PHF24: variants seen among roughly 807,000 people sequenced by gnomAD.
The protein encoded by PHF24 is PHD finger protein 24, also known as Galpha inhibitory interacting protein.
A neutral mutation model predicts 42.6 loss-of-function variants in PHF24; 25 were observed. The observed-to-expected ratio is 0.59, with a 90% CI of 0.43 to 0.82. The LOEUF (loss-of-function observed/expected upper bound fraction) is 0.82. Among genes scored for constraint, PHF24 ranks in the 40% least tolerant of loss-of-function variants. PHF24 has a pLI of 0.00. For missense variants in PHF24, 470 were observed against 538.1 expected (o/e 0.87, Z 1.25); for synonymous variants, 185 against 204.8 (o/e 0.90, Z 0.83).
chr9:34,953,339 A>G (rs10972272), upstream of PHF24, among the ~76,000 whole-genome samples: 29,496 of 152,156 alleles, frequency 0.19, 3,799 homozygotes, highest in Admixed American at 0.27. The surrounding 1 kb of genome is among the most constrained non-coding windows in gnomAD (Gnocchi z 4.1). Context: ...TTGTAGAGAC[A>G]GGGGTCTTGC....
At chr9:34,935,346 C>T in the PHF24 span, among the ~76,000 whole-genome samples, 2 of 152,144 alleles carry the variant, frequency 1.3e-5, no homozygotes, top group African/African-American at 2.4e-5. Context: ...AGCACCCCAG[C>T]ACTCTGGGAG....
the PHF24 span, chr9:34,690,028 G>A: frequency 6.2e-7 from 1 of 1,613,636 alleles, no homozygotes; most frequent in East Asian, 2.2e-5. Context: ...GTGAACCTGG[G>A]GTGAGAGGCC....
the PHF24 span, among the ~76,000 whole-genome samples, chr9:34,824,804 G>C: frequency 6.6e-6 from 1 of 152,176 alleles, no homozygotes; most frequent in Non-Finnish European, 1.5e-5. Flanking sequence ...CTATAGCTGT[G>C]GTCCAGCTAG....
chr9:34,942,098 C>A, the PHF24 span, among the ~76,000 whole-genome samples: 21 of 152,188 alleles, frequency 1.4e-4, no homozygotes, highest in Non-Finnish European at 2.6e-4. Context: ...CTTAACATAA[C>A]CTTCATACTG....
chr9:34,730,556 T>G, the PHF24 span, among the ~76,000 whole-genome samples: 7 of 152,362 alleles, frequency 4.6e-5, no homozygotes, highest in African/African-American at 1.7e-4. Flanking sequence ...CAAAGACATT[T>G]GAGCCGCATT....
the PHF24 span, among the ~76,000 whole-genome samples, chr9:34,936,867 G>GC: frequency 6.7e-6 from 1 of 149,034 alleles, no homozygotes; most frequent in African/African-American, 2.5e-5. Flanking sequence ...GAGCCCCTCC[G>GC]CCCGGCAGCC....
the PHF24 span, chr9:34,725,041 A>G: frequency 2.6e-6 from 4 of 1,552,050 alleles, no homozygotes; most frequent in Non-Finnish European, 3.5e-6. Context: ...TAACTTTGTG[A>G]TGCAGGTCCG....
the PHF24 span, among the ~76,000 whole-genome samples, chr9:34,947,543 CTCTT>C: frequency 6.6e-6 from 1 of 152,056 alleles, no homozygotes; most frequent in Admixed American, 6.6e-5. Context: ...TTAGAGTGCA[CTCTT>C]TCTACTTATT....
intron 1 of PHF24, among the ~76,000 whole-genome samples, chr9:34,967,304 T>G (rs1826811435): frequency 6.6e-6 from 1 of 152,222 alleles, no homozygotes; most frequent in Admixed American, 6.5e-5. Context: ...TGAAATCATT[T>G]CAGAGAGTCA....
chr9:34,864,861 T>A, the PHF24 span, among the ~76,000 whole-genome samples: 1 of 151,946 alleles, frequency 6.6e-6, no homozygotes, highest in East Asian at 1.9e-4. Flanking sequence ...AATATATAAA[T>A]AGAAACAACA....
At chr9:34,825,936 C>T in the PHF24 span, among the ~76,000 whole-genome samples, 1 of 152,170 alleles carries the variant, frequency 6.6e-6, no homozygotes, top group Non-Finnish European at 1.5e-5. Context: ...AGGGACCCGC[C>T]CCTGTGGCCT....
chr9:34,855,122 C>G, the PHF24 span, among the ~76,000 whole-genome samples: 1 of 152,096 alleles, frequency 6.6e-6, no homozygotes, highest in Admixed American at 6.6e-5. Flanking sequence ...TTTCCATTTG[C>G]TTGGTAAAAT....
At chr9:34,976,023 G>A in intron 3 of PHF24, 129 bp from the exon 4 acceptor site, 2 of 686,092 alleles carry the variant, frequency 2.9e-6, no homozygotes, top group African/African-American at 1.8e-5. Context: ...CTCATTGATT[G>A]TGAATAGGAG....
At chr9:34,868,871 C>A in the PHF24 span, among the ~76,000 whole-genome samples, 1 of 152,090 alleles carries the variant, frequency 6.6e-6, no homozygotes, top group African/African-American at 2.4e-5. Context: ...TCATTAAGCC[C>A]AGCATCCATT....
chr9:34,777,381 A>G, the PHF24 span, among the ~76,000 whole-genome samples: 1 of 152,154 alleles, frequency 6.6e-6, no homozygotes, highest in East Asian at 1.9e-4. Flanking sequence ...CTCTAGGCCC[A>G]CAGGTAGCCT....
chr9:34,682,535 G>A, the PHF24 span, among the ~76,000 whole-genome samples: 2 of 152,248 alleles, frequency 1.3e-5, no homozygotes, highest in East Asian at 3.9e-4. Context: ...GAAGAAGGAT[G>A]TATGTTGATC....
the PHF24 span, among the ~76,000 whole-genome samples, chr9:34,781,811 C>T: frequency 1.3e-5 from 2 of 152,058 alleles, no homozygotes; most frequent in African/African-American, 2.4e-5. Flanking sequence ...AGCAACAATG[C>T]ATGTGCCAGT....
chr9:34,852,237 T>C, the PHF24 span, among the ~76,000 whole-genome samples: 1 of 152,228 alleles, frequency 6.6e-6, no homozygotes, highest in South Asian at 2.1e-4. Context: ...ACAAAATATG[T>C]GTTAATTTTG....
chr9:34,975,032 C>T (rs1430498018), intron 3 of PHF24, among the ~76,000 whole-genome samples: 1 of 152,190 alleles, frequency 6.6e-6, no homozygotes, highest in Non-Finnish European at 1.5e-5. Context: ...CAGCCCCCAA[C>T]TGCTCTCCAC....
Sources: gnomAD v4.1 joint callset for allele counts (sites outside exome capture counted in the v4.1 genomes callset) on GRCh38, gnomAD v4.1.1 for gene constraint, Gnocchi (gnomAD v3.1) non-coding constraint, MANE v1.5 for transcripts, NCBI Gene and HGNC (gene_info 2026-07-23, HGNC 2026-07-21) for gene names.